The following GRM7 variants were observed in gnomAD, a reference collection of about 807,000 sequenced individuals.
GRM7 encodes the protein metabotropic glutamate receptor 7.
GRM7 carries 35 observed loss-of-function variants against 84.5 expected under a neutral mutation model. That is an observed-to-expected ratio of 0.41 (90% confidence interval 0.32 to 0.55). The LOEUF is 0.55. Ranked by LOEUF, GRM7 falls within the 20% of genes least tolerant of loss-of-function variation. GRM7 has a pLI of 0.19. For synonymous variants in GRM7, 487 were observed against 455.1 expected, an observed-to-expected ratio of 1.07 and a Z score of -0.89; for missense variants, 1,003 against 1,194.6, an observed-to-expected ratio of 0.84 and a Z score of 2.36.
intron 8 of GRM7, among the ~76,000 whole-genome samples, chr3:7,599,014 A>G (rs1696183153): frequency 6.6e-6 from 1 of 152,298 alleles, no homozygotes; most frequent in Middle Eastern, 3.4e-3. Flanking sequence ...GAGAATTTCT[A>G]CTCAGATATT....
At chr3:7,157,205 T>C (rs879932257) in intron 2 of GRM7, among the ~76,000 whole-genome samples, 1 of 152,108 alleles carries the variant, frequency 6.6e-6, no homozygotes, top group Admixed American at 6.6e-5. Context: ...TTGTCTGCAG[T>C]TGATCATGTG....
At chr3:7,624,621 C>T (rs975269455) in intron 8 of GRM7, among the ~76,000 whole-genome samples, 1 of 152,066 alleles carries the variant, frequency 6.6e-6, no homozygotes, top group African/African-American at 2.4e-5. Flanking sequence ...TCATAATTTT[C>T]TGTCATAACT....
At chr3:7,563,559 G>A (rs1488253200) in intron 7 of GRM7, among the ~76,000 whole-genome samples, 1 of 152,074 alleles carries the variant, frequency 6.6e-6, no homozygotes, top group African/African-American at 2.4e-5. Context: ...GGACATTTAA[G>A]ATAATGGCGG....
At chr3:7,626,993 A>T (rs1409952591) in intron 8 of GRM7, among the ~76,000 whole-genome samples, 2 of 151,188 alleles carry the variant, frequency 1.3e-5, no homozygotes, top group African/African-American at 4.9e-5. Context: ...TGGCCACCTT[A>T]AAAGGGCTGA....
chr3:7,646,203 A>ATTG (rs1304463018), intron 8 of GRM7, among the ~76,000 whole-genome samples: 3 of 151,896 alleles, frequency 2.0e-5, no homozygotes, highest in African/African-American at 7.3e-5. Flanking sequence ...TATTATTATT[A>ATTG]TTATTTGAGA....
At chr3:7,112,914 C>T (rs1407066266) in intron 1 of GRM7, among the ~76,000 whole-genome samples, 1 of 152,174 alleles carries the variant, frequency 6.6e-6, no homozygotes, top group Non-Finnish European at 1.5e-5. Context: ...AGCTCCTTCC[C>T]TTTCAGCAGC....
intron 1 of GRM7, among the ~76,000 whole-genome samples, chr3:7,119,037 A>G (rs17824890): frequency 0.22 from 33,465 of 152,044 alleles, 3,929 homozygotes; most frequent in Non-Finnish European, 0.26. Context: ...GCGTAGCAAC[A>G]AATTTCCTAC....
At chr3:7,321,064 T>A (rs553130261) in intron 4 of GRM7, among the ~76,000 whole-genome samples, 72 of 152,100 alleles carry the variant, frequency 4.7e-4, no homozygotes, top group Middle Eastern at 3.4e-3. Context: ...CTCACTGCTA[T>A]TGAGTCCCCT....
At chr3:7,131,453 A>T (rs1431042945) in intron 1 of GRM7, among the ~76,000 whole-genome samples, 1 of 152,050 alleles carries the variant, frequency 6.6e-6, no homozygotes, top group Non-Finnish European at 1.5e-5. Context: ...GTGCAGTAAC[A>T]TATGTTATAA....
In GRM7 at chr3:6,954,774, G is replaced by A. The variant is rs145711024; in HGVS notation, c.519+92867G>A. On this transcript the variant is annotated intron_variant, in intron 1 of 9. Transcript: ENST00000357716. ...TTATCAATGGAGAGAGATAATATAT[G>A]TAAAGTACTTAGCAGAGAAGATGGT... 2.1e-4 allele frequency among the ~76,000 whole-genome samples: 32 copies of A among 152,300 alleles called. 2 individuals are homozygous for A. In the East Asian group the frequency reaches 6.2e-3, roughly 29 times the overall value.
In GRM7 at chr3:7,116,804, A is replaced by G. The variant is rs112507515; in HGVS notation, c.520-29648A>G. On this transcript the variant is annotated intron_variant, in intron 1 of 9. Coordinates refer to ENST00000357716, the MANE Select transcript of GRM7 (RefSeq NM_000844.4). The stretch of plus-strand genomic sequence containing the variant: ...AATAACTTCATCCACACAGCTTAAT[A>G]CTCATATTTTTTAGTGTGTTTTGAG... Among the ~76,000 whole-genome samples the G allele has an allele frequency of 3.3e-5, 5 of 152,178 alleles. 1 individual carries two copies. The highest frequency in any genetic ancestry group is 1.2e-4 in the African/African-American group (5 of 41,530).
intron 3 of GRM7, among the ~76,000 whole-genome samples, chr3:7,301,845 A>G (rs960318163): frequency 1.6e-4 from 24 of 152,274 alleles, no homozygotes; most frequent in African/African-American, 5.3e-4. Context: ...TTTCTTCGGA[A>G]GATTTACATT....
chr3:7,145,169 G>C (rs551061355), intron 1 of GRM7, among the ~76,000 whole-genome samples: 86 of 152,196 alleles, frequency 5.7e-4, no homozygotes, highest in African/African-American at 1.9e-3. Context: ...TACCATATTT[G>C]AGCTACACTG....
At chr3:7,085,101 G>A (rs1188714494) in intron 1 of GRM7, among the ~76,000 whole-genome samples, 1 of 152,106 alleles carries the variant, frequency 6.6e-6, no homozygotes, top group East Asian at 1.9e-4. Context: ...CCATTGAGTG[G>A]CATTTTAATG....
intron 8 of GRM7, among the ~76,000 whole-genome samples, chr3:7,669,622 A>G (rs550300330): frequency 6.6e-6 from 1 of 152,302 alleles, no homozygotes; most frequent in East Asian, 1.9e-4. Flanking sequence ...GTGGAAGACA[A>G]ATTCAGAGGA....
intron 1 of GRM7, among the ~76,000 whole-genome samples, chr3:7,024,246 A>C (rs17046607): frequency 0.024 from 3,665 of 152,264 alleles, 142 homozygotes; most frequent in African/African-American, 0.084. Flanking sequence ...CGTTTCCTCT[A>C]TCTAGGTCAG....
At chr3:7,667,967 T>G (rs1385909221) in intron 8 of GRM7, among the ~76,000 whole-genome samples, 3 of 152,170 alleles carry the variant, frequency 2.0e-5, no homozygotes, top group African/African-American at 7.2e-5. Flanking sequence ...ACCTGGGTGT[T>G]AGCACAAGCT....
At chr3:7,513,924 A>G (rs986057318) in intron 7 of GRM7, among the ~76,000 whole-genome samples, 12 of 152,218 alleles carry the variant, frequency 7.9e-5, no homozygotes, top group African/African-American at 2.9e-4. Flanking sequence ...TATTTGACTT[A>G]TCTTTCAACT....
intron 2 of GRM7, among the ~76,000 whole-genome samples, chr3:7,236,558 G>A (rs374758843): frequency 5.3e-5 from 8 of 152,144 alleles, no homozygotes; most frequent in Admixed American, 4.6e-4. Flanking sequence ...GGCGGAAGTA[G>A]ACAATAGGCC....
Sources: allele counts gnomAD v4.1 joint callset (sites outside exome capture counted in the v4.1 genomes callset), GRCh38; gene constraint gnomAD v4.1.1; transcripts MANE v1.5; gene names NCBI Gene and HGNC (gene_info 2026-07-23, HGNC 2026-07-21).